NAV2: variants seen among roughly 807,000 people sequenced by gnomAD.
NAV2 encodes helicase, APC down-regulated 1.
In NAV2, 54 loss-of-function variants were observed where a neutral mutation model predicts 223.2. That is an observed-to-expected ratio of 0.24 (90% CI 0.19 to 0.30). The LOEUF (loss-of-function observed/expected upper bound fraction) is 0.30, where lower values mean the gene tolerates loss of function less well. Ranked by LOEUF, NAV2 falls within the 10% of genes least tolerant of loss-of-function variation. NAV2 has a pLI of 1.00. For missense variants in NAV2, 2,806 were observed against 3,147.5 expected (o/e 0.89, Z 2.60); for synonymous variants, 1,279 against 1,239.3 (o/e 1.03, Z -0.67).
At chr11:19,459,038 C>A (rs948665211) in intron 1 of NAV2, among the ~76,000 whole-genome samples, 3 of 152,142 alleles carry the variant, frequency 2.0e-5, no homozygotes, top group Non-Finnish European at 2.9e-5. Context: ...CGTGGGAAGG[C>A]GGGCTGGGGT....
In NAV2 at chr11:20,078,031, G is replaced by T. The variant is rs138148021; in HGVS notation, c.5106G>T (p.Leu1702=). 1.2e-6 allele frequency: 2 copies of T among 1,613,176 alleles called. No individual in the cohort carries two copies. Among genetic ancestry groups the T allele is most frequent in the Admixed American group, 3.3e-5 (2 of 59,796 alleles). Residue 1702 remains leucine (L), a synonymous_variant, in exon 24 of 38, where the codon CTG becomes CTT. Transcript: ENST00000349880. The part of the protein sequence containing the change: ...ELNELRKTIE[L]LKKQNAAAQA... ...ATGAGTTAAGAAAAACCATTGAGCT[G>T]CTAAAGAAACAGAACGCAGCTGCCC...
intron 5 of NAV2, among the ~76,000 whole-genome samples, chr11:19,887,147 T>A (rs540082929): frequency 2.0e-5 from 3 of 152,210 alleles, no homozygotes; most frequent in East Asian, 3.9e-4. Context: ...AGGTCTCCTG[T>A]TGGAGACCAA....
At chr11:19,925,059 C>T (rs577725469) in intron 6 of NAV2, among the ~76,000 whole-genome samples, 1 of 152,296 alleles carries the variant, frequency 6.6e-6, no homozygotes, top group East Asian at 1.9e-4. Flanking sequence ...AATGTCTTTC[C>T]ATATTTTTAT....
intron 10 of NAV2, among the ~76,000 whole-genome samples, chr11:19,950,828 G>C (rs1229041827): frequency 5.3e-5 from 8 of 152,222 alleles, no homozygotes; most frequent in Admixed American, 5.2e-4. Context: ...AGATATAGGG[G>C]AGATTGTCCA....
intron 1 of NAV2, among the ~76,000 whole-genome samples, chr11:19,576,770 G>A (rs1204144251): frequency 6.6e-6 from 1 of 152,104 alleles, no homozygotes; most frequent in East Asian, 1.9e-4. Flanking sequence ...CCAGTCTGTG[G>A]GCTTCAGAAG....
chr11:20,077,575 A>G lies in NAV2; in HGVS notation c.5007A>G (p.Glu1669=), dbSNP rs79792934. ...AGGCTCACCTTGTGGCAGCCTTTGA[A>G]CAGAGTCTTGGTAACATGACAATCA... ...TANAHLVAAF[E]QSLGNMTIRL... is the part of the protein sequence containing the mutation. The change falls in exon 23 of 38, where the codon GAA becomes GAG. Residue 1669 remains glutamate, a synonymous_variant. Coordinates refer to ENST00000349880, the MANE Select transcript of NAV2 (RefSeq NM_145117.5). 9.5e-4 allele frequency: 1,534 copies of G among 1,614,066 alleles called. 11 individuals are homozygous for G. The African/African-American group carries it at 0.013, about 14-fold the overall frequency.
At chr11:20,046,596 T>TCTCACACACA (rs1554924598) in intron 14 of NAV2, among the ~76,000 whole-genome samples, 11 of 145,862 alleles carry the variant, frequency 7.5e-5, no homozygotes, top group Non-Finnish European at 1.7e-4. Flanking sequence ...CCCCTCCCCA[T>TCTCACACACA]CACACACACA....
At chr11:20,008,750 C>T (rs1426207983) in intron 11 of NAV2, among the ~76,000 whole-genome samples, 19 of 148,448 alleles carry the variant, frequency 1.3e-4, no homozygotes, top group Admixed American at 3.3e-4. Context: ...TTTTTTTTTC[C>T]GCCTGCTTGT....
chr11:19,498,948 AT>A (rs2042881096), intron 1 of NAV2, among the ~76,000 whole-genome samples: 1 of 152,222 alleles, frequency 6.6e-6, no homozygotes, highest in South Asian at 2.1e-4. Context: ...GCAAAGTACT[AT>A]GGTTAAATCA....
At chr11:19,792,332 G>C (rs944809682) in intron 1 of NAV2, among the ~76,000 whole-genome samples, 40 of 152,348 alleles carry the variant, frequency 2.6e-4, no homozygotes, top group Admixed American at 2.6e-3. Flanking sequence ...GTTCTAAGTA[G>C]TGGGGGGCAT....
chr11:19,823,422 G>A (rs977132306), intron 1 of NAV2, among the ~76,000 whole-genome samples: 1 of 152,192 alleles, frequency 6.6e-6, no homozygotes, highest in Non-Finnish European at 1.5e-5. Flanking sequence ...TGGCCAGGCT[G>A]TTCTCAACCT....
At chr11:19,768,156 C>T (rs79969238) in intron 1 of NAV2, among the ~76,000 whole-genome samples, 18,721 of 152,230 alleles carry the variant, frequency 0.12, 1,273 homozygotes, top group Non-Finnish European at 0.15. Flanking sequence ...CCTGCACGCA[C>T]GTTGAGTGGC....
chr11:19,743,635 G>A (rs1027797182), intron 1 of NAV2, among the ~76,000 whole-genome samples: 4 of 152,350 alleles, frequency 2.6e-5, no homozygotes, highest in South Asian at 2.1e-4. Context: ...ATTCCAAGGC[G>A]AGGCCACAAA....
intron 1 of NAV2, among the ~76,000 whole-genome samples, chr11:19,748,403 A>G (rs1377466854): frequency 6.6e-6 from 1 of 152,242 alleles, no homozygotes; most frequent in Non-Finnish European, 1.5e-5. Flanking sequence ...AAAGAAATGT[A>G]GCCAGGCCAC....
chr11:19,930,378 C>T (rs774195135), intron 6 of NAV2, among the ~76,000 whole-genome samples: 6 of 152,208 alleles, frequency 3.9e-5, no homozygotes, highest in South Asian at 2.1e-4. Context: ...TAGTTCCAAG[C>T]GGTAAGATCA....
chr11:20,005,925 A>C (rs1262281676), intron 11 of NAV2, among the ~76,000 whole-genome samples: 1 of 152,212 alleles, frequency 6.6e-6, no homozygotes, highest in Admixed American at 6.5e-5. Flanking sequence ...TTTAATCCTC[A>C]TGACAACTCA....
intron 1 of NAV2, among the ~76,000 whole-genome samples, chr11:19,780,435 A>G (rs1026164170): frequency 6.6e-6 from 1 of 152,222 alleles, no homozygotes; most frequent in Non-Finnish European, 1.5e-5. Flanking sequence ...GAGGCCACTT[A>G]TGGAGCAGCT....
intron 1 of NAV2, among the ~76,000 whole-genome samples, chr11:19,608,535 T>A (rs1380782652): frequency 6.6e-6 from 1 of 152,254 alleles, no homozygotes; most frequent in Non-Finnish European, 1.5e-5. Flanking sequence ...CAGTGTTTAT[T>A]TATTTTGTGG....
At chr11:19,461,043 G>A (rs750543092) in intron 1 of NAV2, among the ~76,000 whole-genome samples, 6 of 152,182 alleles carry the variant, frequency 3.9e-5, no homozygotes, top group Non-Finnish European at 2.9e-5. Context: ...AGCAGCTTCC[G>A]TCTACAGAGT....
Sources: allele counts gnomAD v4.1 joint callset (sites outside exome capture counted in the v4.1 genomes callset), GRCh38; gene constraint gnomAD v4.1.1; transcripts MANE v1.5; gene names NCBI Gene and HGNC (gene_info 2026-07-23, HGNC 2026-07-21).